The following CACUL1 variants were observed in gnomAD, a reference collection of about 807,000 sequenced individuals.
CACUL1 encodes CDK2 associated cullin domain 1.
CACUL1 carries 13 observed loss-of-function variants against 45.2 expected under a neutral mutation model. That is an observed-to-expected ratio of 0.29 (90% CI 0.19 to 0.46). The LOEUF (loss-of-function observed/expected upper bound fraction) is 0.46. CACUL1 is among the 20% of genes least tolerant of loss of function. The pLI is 1.00. For missense variants in CACUL1, 421 were observed against 471.4 expected (o/e 0.89, Z 0.99); for synonymous variants, 197 against 174.2 (o/e 1.13, Z -1.03).
intron 1 of CACUL1, among the ~76,000 whole-genome samples, chr10:118,730,887 A>C (rs1845691895): frequency 6.6e-6 from 1 of 152,208 alleles, no homozygotes; most frequent in East Asian, 1.9e-4. Flanking sequence ...TTAAGGTCCA[A>C]ATGCTGCAAT....
intron 1 of CACUL1, among the ~76,000 whole-genome samples, chr10:118,752,969 T>C (rs975959785): frequency 2.0e-5 from 3 of 152,252 alleles, no homozygotes; most frequent in Non-Finnish European, 4.4e-5. Context: ...CAGAGGTCTG[T>C]CTGCCTAGCT....
intron 3 of CACUL1, among the ~76,000 whole-genome samples, chr10:118,717,507 C>A (rs1845558276): frequency 6.6e-6 from 1 of 151,990 alleles, no homozygotes; most frequent in East Asian, 1.9e-4. Flanking sequence ...GCTGGTTAAC[C>A]AAAATAATCA....
intron 7 of CACUL1, 73 bp from the exon 8 acceptor site, chr10:118,686,714 T>G: frequency 1.9e-6 from 2 of 1,054,440 alleles, no homozygotes; most frequent in South Asian, 2.5e-5. Context: ...ACATATTTGA[T>G]AATAAAAGTA....
chr10:118,749,660 G>A (rs919544672), intron 1 of CACUL1, among the ~76,000 whole-genome samples: 2 of 152,172 alleles, frequency 1.3e-5, no homozygotes, highest in African/African-American at 4.8e-5. Flanking sequence ...ATTTATTAGG[G>A]AGATAGTACA....
At position 118,747,536 on chromosome 10, in the gene CACUL1, C is replaced by CAAA. The variant is rs3061057; in HGVS notation, c.367+6857_367+6859dup. On this transcript the variant is annotated intron_variant, in intron 1 of 8. Transcript: ENST00000369151. ...ACAAATTAATGATTTTTTGGTAAAT[C>CAAA]AAAAAAAAAAAAAAAAGACTACTTT... 9.2e-3 allele frequency among the ~76,000 whole-genome samples: 715 copies of CAAA among 77,890 alleles called. 9 individuals are homozygous for CAAA. Among genetic ancestry groups the CAAA allele is most frequent in the East Asian group, 0.061 (149 of 2,442 alleles). The allele number at this position is 77,890 out of a possible 152,430, so 51.1% of individuals were successfully genotyped here. A position where few individuals can be genotyped will look rare whatever the true frequency, so the allele number is the denominator to read the frequency against.
At chr10:118,727,206 C>A (rs11198579) in intron 3 of CACUL1, among the ~76,000 whole-genome samples, 3 of 151,828 alleles carry the variant, frequency 2.0e-5, no homozygotes, top group Non-Finnish European at 4.4e-5. Flanking sequence ...ATGAGCAACA[C>A]GGCAAAACCC....
chr10:118,740,177 G>C (rs1010461371), intron 1 of CACUL1, among the ~76,000 whole-genome samples: 2 of 151,730 alleles, frequency 1.3e-5, no homozygotes, highest in Non-Finnish European at 2.9e-5. Context: ...AAAAGAGTAA[G>C]TTCAACAAAA....
At chr10:118,724,614 T>C (rs2296546) in intron 3 of CACUL1, among the ~76,000 whole-genome samples, 115,346 of 152,140 alleles carry the variant, frequency 0.76, 43,906 homozygotes, top group Non-Finnish European at 0.8. Context: ...AAAGTATGTC[T>C]ATCAAATTAG....
intron 1 of CACUL1, among the ~76,000 whole-genome samples, chr10:118,731,889 T>C (rs1845700329): frequency 6.6e-6 from 1 of 152,080 alleles, no homozygotes; most frequent in African/African-American, 2.4e-5. Context: ...ACACAAAAAA[T>C]GAACCGAATT....
In CACUL1 at chr10:118,686,181, C is replaced by A. The variant is rs916397762; in HGVS notation, c.1070-13G>T. On this transcript the variant is annotated splice_polypyrimidine_tract_variant and intron_variant, in intron 8 of 8. Coordinates refer to ENST00000369151, the MANE Select transcript of CACUL1 (RefSeq NM_153810.5). Reference sequence around the variant, plus strand: ...GCTGACGAGCTATCTGAAAAAACATCAGAATAGGAAAAAGTATGAAGAGCA... The same window carrying A: ...GCTGACGAGCTATCTGAAAAAACATAAGAATAGGAAAAAGTATGAAGAGCA... 6.2e-7 allele frequency: 1 copy of A among 1,608,386 alleles called. No homozygotes were observed. The highest frequency in any genetic ancestry group is 8.5e-7 in the Non-Finnish European group (1 of 1,175,074).
At chr10:118,749,888 T>C (rs560115992) in intron 1 of CACUL1, among the ~76,000 whole-genome samples, 3 of 152,356 alleles carry the variant, frequency 2.0e-5, no homozygotes, top group African/African-American at 4.8e-5. Flanking sequence ...AACTAGTTCA[T>C]GGTTCCCTAA....
chr10:118,745,969 T>C (rs1845839274), intron 1 of CACUL1, among the ~76,000 whole-genome samples: 1 of 144,726 alleles, frequency 6.9e-6, no homozygotes, highest in East Asian at 2.1e-4. Flanking sequence ...AAACCCCATC[T>C]CTACTAAAAA....
chr10:118,694,874 C>G (rs1289660267), intron 6 of CACUL1: 2 of 292,920 alleles, frequency 6.8e-6, no homozygotes, highest in African/African-American at 4.3e-5. Context: ...ACATGAGATT[C>G]AATTTTATCC....
rs1009008466 is a variant in CACUL1 at position 118,681,819 on chromosome 10, G to A, written c.*4309C>T. On this transcript the variant is annotated 3_prime_UTR_variant, in exon 9 of 9. Transcript: ENST00000369151. ...GGTGGGTCTTGGCCAGTGGAGGAAG[G>A]AAGGTGTCCAGGACTTTAGTTAATC... is the stretch of plus-strand genomic sequence containing the variant. The A allele has an allele frequency of 2.0e-5, 3 of 152,296 alleles. No homozygotes were observed. The highest frequency in any genetic ancestry group is 7.2e-5 in the African/African-American group (3 of 41,454). 9.4% of individuals were successfully genotyped at this position (152,296 alleles called of 1,614,324 possible).
At chr10:118,693,697 C>T (rs562539945) in intron 6 of CACUL1, 3 of 456,464 alleles carry the variant, frequency 6.6e-6, no homozygotes, top group Middle Eastern at 3.3e-4. Context: ...TAACCTGGTA[C>T]ACACACTATT....
intron 5 of CACUL1, among the ~76,000 whole-genome samples, chr10:118,696,149 G>A (rs772698293): frequency 6.6e-6 from 1 of 152,116 alleles, no homozygotes; most frequent in Non-Finnish European, 1.5e-5. Context: ...GGCCATCAGA[G>A]ATGCACTCAC....
intron 1 of CACUL1, among the ~76,000 whole-genome samples, chr10:118,733,173 C>T (rs1247002854): frequency 6.6e-6 from 1 of 152,122 alleles, no homozygotes; most frequent in Non-Finnish European, 1.5e-5. Context: ...GAAAAAGAAA[C>T]CAAAATGTAA....
In CACUL1 at chr10:118,707,510, C is replaced by T. The variant is rs1845443732; in HGVS notation, c.675G>A (p.Val225=). ...GQYMGALQSI[V]PLFIYMNKFY... ...TACTTACCATATATATGAAAAGAGGCACAATGCTCTGCAATGCTCCCATAT... is the reference window on the plus strand; with the variant it reads ...TACTTACCATATATATGAAAAGAGGTACAATGCTCTGCAATGCTCCCATAT... The change falls in exon 4 of 9, where the codon GTG becomes GTA. Residue 225 remains valine (V), a synonymous_variant. Coordinates refer to ENST00000369151, the MANE Select transcript of CACUL1 (RefSeq NM_153810.5). 1 of 1,538,306 alleles carries T rather than the reference C, an allele frequency of 6.5e-7. No homozygotes were observed. Among genetic ancestry groups the T allele is most frequent in the Non-Finnish European group, 9.0e-7 (1 of 1,112,164 alleles).
In CACUL1 at chr10:118,691,065, C is replaced by T. The variant is rs529378981; in HGVS notation, c.1025+200G>A. Among the ~76,000 whole-genome samples, 6 of 152,180 alleles carry T rather than the reference C, an allele frequency of 3.9e-5. No homozygotes were observed. The East Asian group carries it at 5.8e-4, about 15-fold the overall frequency. On this transcript the variant is annotated intron_variant, in intron 7 of 8. Transcript: ENST00000369151. ...GACTCCATCTCAAAAACAAAACGTA[C>T]GTAATGAAGAGCAGCTTCCACAAAA...
Sources: allele counts gnomAD v4.1 joint callset (sites outside exome capture counted in the v4.1 genomes callset), GRCh38; gene constraint gnomAD v4.1.1; transcripts MANE v1.5; gene names NCBI Gene and HGNC (gene_info 2026-07-23, HGNC 2026-07-21).